TESK2: variants seen among roughly 807,000 people sequenced by gnomAD.
TESK2 encodes testis associated actin remodelling kinase 2.
Under a neutral mutation model 57.1 loss-of-function variants are expected in TESK2, and 39 were observed. The observed-to-expected ratio is 0.68, with a 90% confidence interval of 0.53 to 0.89. TESK2 has a LOEUF of 0.89. Ranked by LOEUF, TESK2 falls within the 40% of genes least tolerant of loss-of-function variation. The pLI is 0.00. For synonymous variants in TESK2, 249 were observed against 267.9 expected, an observed-to-expected ratio of 0.93 and a Z score of 0.69; for missense variants, 646 against 732.1, an observed-to-expected ratio of 0.88 and a Z score of 1.36.
At chr1:45,424,293 G>C (rs1014338739) in intron 2 of TESK2, among the ~76,000 whole-genome samples, 13 of 152,272 alleles carry the variant, frequency 8.5e-5, no homozygotes, top group African/African-American at 2.6e-4. Flanking sequence ...GTGTTTCAGA[G>C]AGGCCAGGCA....
chr1:45,402,932 T>C (rs964675504), intron 3 of TESK2, among the ~76,000 whole-genome samples: 1 of 151,216 alleles, frequency 6.6e-6, no homozygotes, highest in Non-Finnish European at 1.5e-5. Context: ...TACTCCCAAA[T>C]AATACAAAGA....
At position 45,344,789 on chromosome 1, in the gene TESK2, A is replaced by G. The variant is rs764349031; in HGVS notation, c.*51T>C. 1.1e-5 allele frequency: 16 copies of G among 1,513,064 alleles called. No homozygotes were observed. The highest frequency in any genetic ancestry group is 1.4e-5 in the Non-Finnish European group (16 of 1,107,588). 93.7% of individuals were successfully genotyped at this position (1,513,064 alleles called of 1,614,324 possible). On this transcript the variant is annotated 3_prime_UTR_variant, in exon 11 of 11. Transcript: ENST00000372086. ...CAAGGCTGTGCACCTAGGGGGCCATATGGTTTCAGCTGAAGGTCCATCCCC... is the reference window on the plus strand; with the variant it reads ...CAAGGCTGTGCACCTAGGGGGCCATGTGGTTTCAGCTGAAGGTCCATCCCC...
intron 2 of TESK2, among the ~76,000 whole-genome samples, chr1:45,443,293 G>A (rs913105331): frequency 6.6e-6 from 1 of 152,012 alleles, no homozygotes; most frequent in African/African-American, 2.4e-5. Flanking sequence ...GGCCGGGCAT[G>A]GTGGTTCATG....
intron 1 of TESK2, among the ~76,000 whole-genome samples, chr1:45,480,312 G>C (rs1653165199): frequency 6.6e-6 from 1 of 151,690 alleles, no homozygotes; most frequent in African/African-American, 2.4e-5. Context: ...ATAAAAATTA[G>C]CTGGGCGTGG....
intron 2 of TESK2, among the ~76,000 whole-genome samples, 193 bp from the exon 3 acceptor site, chr1:45,422,039 G>C (rs1202920666): frequency 1.3e-5 from 2 of 152,128 alleles, no homozygotes; most frequent in Admixed American, 6.5e-5. Context: ...ATTTCACATT[G>C]AGTTGGCCAG....
At position 45,345,976 on chromosome 1, in the gene TESK2, G is replaced by C. The variant is rs747780572; in HGVS notation, c.898C>G (p.Pro300Ala). 6.2e-7 allele frequency: 1 copy of C among 1,614,060 alleles called. No individual in the cohort carries two copies. The highest frequency in any genetic ancestry group is 8.5e-7 in the Non-Finnish European group (1 of 1,179,970). The change falls in exon 10 of 11, where the codon CCA becomes GCA. Residue 300 changes from proline to alanine, a missense_variant. Physicochemically the swap from Pro to Ala is conservative, Grantham distance 27. Transcript: ENST00000372086. ...NCCNMDPKLR[P>A]SFVEIGKTLE... Reference sequence around the variant, plus strand: ...GTCTTCCCAATCTCCACAAAAGATGGGCGCAGTTTGGGATCCATCTGTAGG... The same window carrying C: ...GTCTTCCCAATCTCCACAAAAGATGCGCGCAGTTTGGGATCCATCTGTAGG...
At chr1:45,352,682 T>C (rs1309354444) in intron 5 of TESK2, among the ~76,000 whole-genome samples, 2 of 152,172 alleles carry the variant, frequency 1.3e-5, no homozygotes, top group African/African-American at 4.8e-5. Context: ...GGTCAGAAGT[T>C]CCTCTTTTCT....
At chr1:45,364,335 T>C (rs902708072) in intron 4 of TESK2, among the ~76,000 whole-genome samples, 4 of 152,144 alleles carry the variant, frequency 2.6e-5, no homozygotes, top group Admixed American at 6.6e-5. Context: ...GCAAGAGATA[T>C]AGGCACACAG....
In TESK2 at chr1:45,345,478, G is replaced by C. The variant is rs372042663; in HGVS notation, c.1078C>G (p.Arg360Gly). The change falls in exon 11 of 11, where the codon CGT (arginine) becomes GGT (glycine). Residue 360 changes from arginine to glycine, a missense_variant. Transcript: ENST00000372086. The part of the protein sequence containing the change: ...KIPHKSPCPR[R>G]TIWLSRSQSD... ...TGGCTTCGAGACAGCCAGATGGTAC[G>C]TCTTGGGCATGGTGACTTGTGGGGG... 6.2e-7 allele frequency: 1 copy of C among 1,614,138 alleles called. No individual in the cohort carries two copies. The highest frequency in any genetic ancestry group is 1.1e-5 in the South Asian group (1 of 91,088).
intron 1 of TESK2, among the ~76,000 whole-genome samples, chr1:45,485,405 T>C (rs1653424236): frequency 1.3e-5 from 2 of 152,100 alleles, no homozygotes; most frequent in Admixed American, 1.3e-4. Flanking sequence ...GTCAGGATGG[T>C]CTAGATCTCC....
At position 45,345,541 on chromosome 1, in the gene TESK2, G is replaced by A; in HGVS notation, c.1015C>T (p.Pro339Ser). ...PTARGLLEKA[P>S]GVKRLSSLDD... ...AGTGAGCTTAGTCGCTTCACCCCAG[G>A]TGCTTTCTCCAAGAGTCCTGAAGAA... Residue 339 changes from proline (P) to serine (S), a missense_variant, in exon 11 of 11, where the codon CCT (proline) becomes TCT (serine). Physicochemically the swap from Pro to Ser is moderately conservative, Grantham distance 74 (BLOSUM62 -1). Coordinates refer to ENST00000372086, the MANE Select transcript of TESK2 (RefSeq NM_007170.3). The A allele has an allele frequency of 6.2e-6, 10 of 1,613,730 alleles. No homozygotes were observed. The highest frequency in any genetic ancestry group is 8.5e-6 in the Non-Finnish European group (10 of 1,179,856).
At chr1:45,419,911 T>A (rs914013501) in intron 3 of TESK2, among the ~76,000 whole-genome samples, 1 of 152,212 alleles carries the variant, frequency 6.6e-6, no homozygotes, top group Non-Finnish European at 1.5e-5. Context: ...TAATTCTATA[T>A]AAGGATAAAA....
intron 2 of TESK2, among the ~76,000 whole-genome samples, chr1:45,431,307 A>T (rs1423086797): frequency 6.6e-6 from 1 of 152,110 alleles, no homozygotes; most frequent in East Asian, 1.9e-4. Flanking sequence ...AGTCCCAGCT[A>T]CTCAGGAGGC....
intron 10 of TESK2, 60 bp downstream of exon 10, chr1:45,345,817 G>T: frequency 7.4e-7 from 1 of 1,347,368 alleles, no homozygotes. Context: ...AGAGGAGAAG[G>T]CCCCACATCC....
At chr1:45,396,819 T>G (rs1215469569) in intron 3 of TESK2, among the ~76,000 whole-genome samples, 1 of 138,682 alleles carries the variant, frequency 7.2e-6, no homozygotes, top group African/African-American at 2.7e-5. Flanking sequence ...TTTTTTTTTT[T>G]TTTTTTTTTG....
intron 4 of TESK2, among the ~76,000 whole-genome samples, chr1:45,359,770 A>G (rs1647598655): frequency 6.6e-6 from 1 of 152,126 alleles, no homozygotes; most frequent in Non-Finnish European, 1.5e-5. Context: ...AGGCTGAGGC[A>G]CGAGAATCAC....
In TESK2 at chr1:45,344,000, T is replaced by A. The variant is rs1311393514; in HGVS notation, c.*840A>T. On this transcript the variant is annotated 3_prime_UTR_variant, in exon 11 of 11. Coordinates refer to ENST00000372086, the MANE Select transcript of TESK2 (RefSeq NM_007170.3). This position sits in a 1 kb window ranked among gnomAD's most constrained non-coding sequence, Gnocchi z 4.3. ...TTGACCAGCTTCATCTTTGGTTATT[T>A]CTTATTGCAGCTCTGTAAGGACAGA... 1 of 338,072 alleles carries A rather than the reference T, an allele frequency of 3.0e-6. No homozygotes were observed. The highest frequency in any genetic ancestry group is 4.5e-5 in the Admixed American group (1 of 22,432). The allele number at this position is 338,072 out of a possible 1,614,324, so 20.9% of individuals were successfully genotyped here.
chr1:45,466,482 C>G (rs1352807317), intron 1 of TESK2, among the ~76,000 whole-genome samples: 3 of 150,470 alleles, frequency 2.0e-5, no homozygotes, highest in Non-Finnish European at 4.4e-5. Flanking sequence ...TCAAAAAAAA[C>G]AAAAACAAAA....
Position 45,344,725 on chromosome 1 carries a change from T to TGGCCTAGCCTGCCTGCTCTGTA in TESK2, c.*93_*114dup. The TGGCCTAGCCTGCCTGCTCTGTA allele has an allele frequency of 9.9e-7, 1 of 1,011,118 alleles. No individual in the cohort carries two copies. Among genetic ancestry groups the TGGCCTAGCCTGCCTGCTCTGTA allele is most frequent in the South Asian group, 1.6e-5 (1 of 60,652 alleles). 62.6% of individuals were successfully genotyped at this position (1,011,118 alleles called of 1,614,324 possible). ...GGGAGCCCAGAAGTTGAGCCTGGCT[T>TGGCCTAGCCTGCCTGCTCTGTA]GGCCTAGCCTGCCTGCTCTGTAGGC... On this transcript the variant is annotated 3_prime_UTR_variant, in exon 11 of 11. Transcript: ENST00000372086.
Sources: allele counts gnomAD v4.1 joint callset (sites outside exome capture counted in the v4.1 genomes callset), GRCh38; gene constraint gnomAD v4.1.1; non-coding constraint Gnocchi (gnomAD v3.1); transcripts MANE v1.5; gene names NCBI Gene and HGNC (gene_info 2026-07-23, HGNC 2026-07-21).